The following RERG variants were observed in gnomAD, a reference collection of about 807,000 sequenced individuals.
RERG encodes ras-related and estrogen-regulated growth inhibitor.
A neutral mutation model predicts 23.2 loss-of-function variants in RERG; 25 were observed. That is an observed-to-expected ratio of 1.08 (90% CI 0.79 to 1.50). RERG has a LOEUF of 1.50. Among genes scored for constraint, RERG ranks in the 40% most tolerant of loss-of-function variants. RERG has a pLI of 0.00. For synonymous variants in RERG, 81 were observed against 89.1 expected, an observed-to-expected ratio of 0.91 and a Z score of 0.51; for missense variants, 253 against 250.1, an observed-to-expected ratio of 1.01 and a Z score of -0.08.
intron 3 of RERG, among the ~76,000 whole-genome samples, 163 bp downstream of exon 3, chr12:15,120,900 A>G (rs527486972): frequency 6.0e-4 from 92 of 152,328 alleles, no homozygotes; most frequent in African/African-American, 2.0e-3. Flanking sequence ...CACAGACAGC[A>G]TGAAACACAC....
At chr12:15,175,707 C>T (rs1864841606) in intron 2 of RERG, among the ~76,000 whole-genome samples, 1 of 152,074 alleles carries the variant, frequency 6.6e-6, no homozygotes, top group Non-Finnish European at 1.5e-5. Context: ...TAGGGCTTTT[C>T]CTTTAACATA....
intron 2 of RERG, among the ~76,000 whole-genome samples, chr12:15,193,350 TG>T (rs1298263115): frequency 1.3e-5 from 2 of 152,182 alleles, no homozygotes; most frequent in African/African-American, 4.8e-5. Flanking sequence ...ACTCCTGCCA[TG>T]GGGAACTGTT....
At chr12:15,200,054 G>C (rs949600149) in intron 2 of RERG, among the ~76,000 whole-genome samples, 1 of 152,056 alleles carries the variant, frequency 6.6e-6, no homozygotes, top group African/African-American at 2.4e-5. Flanking sequence ...AAACTTGGCT[G>C]AGTAGACAAA....
At chr12:15,213,533 C>A (rs1241104825) in intron 2 of RERG, among the ~76,000 whole-genome samples, 2 of 152,226 alleles carry the variant, frequency 1.3e-5, no homozygotes, top group African/African-American at 4.8e-5. Flanking sequence ...CCTATGCCAG[C>A]AAGCTCACTT....
intron 2 of RERG, among the ~76,000 whole-genome samples, chr12:15,124,754 G>A (rs906497744): frequency 4.0e-5 from 6 of 151,824 alleles, no homozygotes; most frequent in Non-Finnish European, 7.4e-5. Flanking sequence ...GCTGGAAAAA[G>A]TATTATGTAT....
At chr12:15,139,924 C>T (rs1279783337) in intron 2 of RERG, among the ~76,000 whole-genome samples, 1 of 152,008 alleles carries the variant, frequency 6.6e-6, no homozygotes, top group Non-Finnish European at 1.5e-5. Context: ...AGTTTTTCAC[C>T]CCTCAAGTAT....
chr12:15,217,173 C>CCA, intron 2 of RERG: 1 of 369,314 alleles, frequency 2.7e-6, no homozygotes, highest in Non-Finnish European at 4.9e-6. Context: ...TGTTAAAAAT[C>CCA]AGAATGCCAA....
intron 2 of RERG, among the ~76,000 whole-genome samples, chr12:15,189,255 C>G (rs1865035652): frequency 6.6e-6 from 1 of 152,126 alleles, no homozygotes; most frequent in Non-Finnish European, 1.5e-5. Context: ...TTATAGTGAC[C>G]TGCAAGAAGC....
At position 15,161,224 on chromosome 12, in the gene RERG, A is replaced by G. The variant is rs1025203195; in HGVS notation, c.62-40105T>C. 4.9e-5 allele frequency among the ~76,000 whole-genome samples: 6 copies of G among 123,234 alleles called. No individual in the cohort carries two copies. The South Asian group carries it at 7.8e-4, about 16-fold the overall frequency. The allele number at this position is 123,234 out of a possible 152,430, so 80.8% of individuals were successfully genotyped here. ...AAAGAAAGAAAGAAAGAAAGAAAGAAAGAAACAGGGGCATCACTTAGTGTT... is the reference window on the plus strand; with the variant it reads ...AAAGAAAGAAAGAAAGAAAGAAAGAGAGAAACAGGGGCATCACTTAGTGTT... On this transcript the variant is annotated intron_variant, in intron 2 of 4. Transcript: ENST00000256953.
intron 3 of RERG, among the ~76,000 whole-genome samples, chr12:15,118,685 G>A (rs1032042029): frequency 7.5e-6 from 1 of 132,828 alleles, no homozygotes; most frequent in African/African-American, 2.9e-5. Context: ...GTGGGATCTG[G>A]TTGTTTTAAA....
intron 2 of RERG, among the ~76,000 whole-genome samples, chr12:15,176,650 G>C (rs1864855156): frequency 6.6e-6 from 1 of 152,080 alleles, no homozygotes; most frequent in South Asian, 2.1e-4. Context: ...TGCTGAACAG[G>C]TTGGTTTTTC....
In RERG at chr12:15,161,226, G is replaced by GAAAC. The variant is rs1168236153; in HGVS notation, c.62-40111_62-40108dup. On this transcript the variant is annotated intron_variant, in intron 2 of 4. Coordinates refer to ENST00000256953, the MANE Select transcript of RERG (RefSeq NM_032918.3). ...AGAAAGAAAGAAAGAAAGAAAGAAA[G>GAAAC]AAACAGGGGCATCACTTAGTGTTTT... Among the ~76,000 whole-genome samples the GAAAC allele has an allele frequency of 1.7e-3, 211 of 123,516 alleles. 2 individuals are homozygous for GAAAC. The highest frequency in any genetic ancestry group is 0.016 in the South Asian group (62 of 3,860). 81.0% of individuals were successfully genotyped at this position (123,516 alleles called of 152,430 possible).
At chr12:15,135,428 A>C (rs192309340) in intron 2 of RERG, among the ~76,000 whole-genome samples, 22 of 152,294 alleles carry the variant, frequency 1.4e-4, no homozygotes, top group African/African-American at 4.8e-4. Flanking sequence ...AGCTAAGACA[A>C]GCATTATGAT....
chr12:15,114,597 C>T (rs1419469661), intron 3 of RERG: 1 of 152,144 alleles, frequency 6.6e-6, no homozygotes, highest in Non-Finnish European at 1.5e-5. Context: ...GACTAGGTTA[C>T]AGGCAGCTTC....
chr12:15,108,476 G>T lies in RERG; in HGVS notation c.*634C>A, dbSNP rs1315691217. On this transcript the variant is annotated 3_prime_UTR_variant, in exon 5 of 5. Coordinates refer to ENST00000256953, the MANE Select transcript of RERG (RefSeq NM_032918.3). ...GAAAATATTGTTTGAGCCAAGGAAGGAGAGTTAGGGTGTAATGATCAATAG... is the reference window on the plus strand; with the variant it reads ...GAAAATATTGTTTGAGCCAAGGAAGTAGAGTTAGGGTGTAATGATCAATAG... The T allele has an allele frequency of 1.3e-5, 2 of 152,572 alleles. No individual in the cohort carries two copies. The highest frequency in any genetic ancestry group is 2.9e-5 in the Non-Finnish European group (2 of 68,020). 9.5% of individuals were successfully genotyped at this position (152,572 alleles called of 1,614,324 possible). A position where few individuals can be genotyped will look rare whatever the true frequency, so the allele number is the denominator to read the frequency against.
At chr12:15,115,356 A>G (rs917570302) in intron 3 of RERG, among the ~76,000 whole-genome samples, 4 of 152,170 alleles carry the variant, frequency 2.6e-5, no homozygotes, top group Non-Finnish European at 5.9e-5. Context: ...AATAAATGGT[A>G]GAGGCGAGAT....
intron 2 of RERG, among the ~76,000 whole-genome samples, chr12:15,216,918 T>C (rs1299825544): frequency 6.6e-6 from 1 of 152,234 alleles, no homozygotes; most frequent in African/African-American, 2.4e-5. Flanking sequence ...CTTGAGAGCA[T>C]GCACTCCTAA....
chr12:15,118,636 C>T (rs984019455), intron 3 of RERG, among the ~76,000 whole-genome samples: 1 of 152,076 alleles, frequency 6.6e-6, no homozygotes, highest in African/African-American at 2.4e-5. Context: ...TGGTTTAACA[C>T]CTTCCTTCGT....
intron 2 of RERG, among the ~76,000 whole-genome samples, chr12:15,172,108 C>T (rs945313844): frequency 2.0e-5 from 3 of 152,000 alleles, no homozygotes; most frequent in Non-Finnish European, 2.9e-5. Context: ...CAAAAAGAAA[C>T]CCCATATGCA....
Sources: allele counts gnomAD v4.1 joint callset (sites outside exome capture counted in the v4.1 genomes callset), GRCh38; gene constraint gnomAD v4.1.1; transcripts MANE v1.5; gene names NCBI Gene and HGNC (gene_info 2026-07-23, HGNC 2026-07-21).